Variants in ELOVL4 observed in about 807,000 individuals in gnomAD.
ELOVL4 encodes ELOVL fatty acid elongase 4.
A neutral mutation model predicts 42.1 loss-of-function variants in ELOVL4; 18 were observed. The ratio of observed to expected loss-of-function variants is 0.43; its 90% CI spans 0.30 to 0.63. ELOVL4 has a LOEUF of 0.63. Among genes scored for constraint, ELOVL4 ranks in the 30% least tolerant of loss-of-function variants. The pLI is 0.15. For missense variants in ELOVL4, 299 were observed against 376.2 expected, an observed-to-expected ratio of 0.79 and a Z score of 1.70; for synonymous variants, 117 against 127.0, an observed-to-expected ratio of 0.92 and a Z score of 0.53.
chr6:79,926,456 G>C (rs1293993787), intron 1 of ELOVL4, 75 bp from the exon 2 acceptor site: 4 of 1,433,266 alleles, frequency 2.8e-6, no homozygotes, highest in Non-Finnish European at 3.9e-6. Context: ...TAGGAATCAA[G>C]ATGTTTCAAC....
chr6:79,925,310 T>A (rs1333476209), intron 2 of ELOVL4, among the ~76,000 whole-genome samples: 3 of 152,198 alleles, frequency 2.0e-5, no homozygotes, highest in Non-Finnish European at 4.4e-5. Context: ...AAATTTTTAT[T>A]GCTAGGACTC....
At chr6:79,939,542 G>T (rs1774607921) in intron 1 of ELOVL4, among the ~76,000 whole-genome samples, 3 of 118,170 alleles carry the variant, frequency 2.5e-5, no homozygotes, top group African/African-American at 7.1e-5. Flanking sequence ...TTTATTTATT[G>T]GGCCAGGATC....
At chr6:79,940,685 T>A (rs1328705153) in intron 1 of ELOVL4, among the ~76,000 whole-genome samples, 1 of 152,194 alleles carries the variant, frequency 6.6e-6, no homozygotes, top group Non-Finnish European at 1.5e-5. Context: ...AGTTCAACCC[T>A]CTCACAGCAC....
chr6:79,942,967 GA>G (rs1774671850), intron 1 of ELOVL4, among the ~76,000 whole-genome samples: 1 of 151,444 alleles, frequency 6.6e-6, no homozygotes, highest in Non-Finnish European at 1.5e-5. Flanking sequence ...TGAAAACAGT[GA>G]CCAAGGGAGA....
At chr6:79,925,150 T>A (rs1034041614) in intron 2 of ELOVL4, 118 bp from the exon 3 acceptor site, 3 of 703,784 alleles carry the variant, frequency 4.3e-6, no homozygotes, top group Non-Finnish European at 7.2e-6. Context: ...TCTTTAAAAA[T>A]TTCAAATGCA....
In ELOVL4 at chr6:79,926,391, GAAC is replaced by G; in HGVS notation, c.101-13_101-11del. 1 of 1,611,410 alleles carries G rather than the reference GAAC, an allele frequency of 6.2e-7. No homozygotes were observed. The highest frequency in any genetic ancestry group is 8.5e-7 in the Non-Finnish European group (1 of 1,178,084). ...TTTTCCACACGCTTATCTATAGAGA[GAAC>G]AAAATACCATAAAATTCATTAATCA... On this transcript the variant is annotated splice_polypyrimidine_tract_variant and intron_variant, in intron 1 of 5. Transcript: ENST00000369816.
At chr6:79,921,485 A>AG in intron 4 of ELOVL4, 140 bp downstream of exon 4, 3 of 589,998 alleles carry the variant, frequency 5.1e-6, no homozygotes, top group South Asian at 2.4e-5. Context: ...AAAAAAAAAA[A>AG]AAAAGAAATG....
intron 1 of ELOVL4, among the ~76,000 whole-genome samples, chr6:79,940,525 G>T (rs1269358948): frequency 6.6e-6 from 1 of 151,958 alleles, no homozygotes; most frequent in African/African-American, 2.4e-5. Flanking sequence ...TATATAAAGT[G>T]TTTATAATAG....
chr6:79,921,475 A>AC, intron 4 of ELOVL4, 150 bp downstream of exon 4: 8 of 603,998 alleles, frequency 1.3e-5, no homozygotes, highest in Non-Finnish European at 1.1e-5. Context: ...AAAAAAAAAA[A>AC]AAAAAAAAAA....
intron 2 of ELOVL4, 143 bp from the exon 3 acceptor site, chr6:79,925,175 C>T (rs1339623363): frequency 3.2e-6 from 2 of 621,086 alleles, no homozygotes; most frequent in East Asian, 2.8e-5. Context: ...AAATTTCATG[C>T]ATTCCGATTG....
chr6:79,946,023 G>A (rs1047838311), intron 1 of ELOVL4, among the ~76,000 whole-genome samples: 43 of 152,034 alleles, frequency 2.8e-4, no homozygotes, highest in African/African-American at 9.7e-4. Flanking sequence ...CCTATGTATC[G>A]GACTACATTC....
intron 4 of ELOVL4, 71 bp from the exon 5 acceptor site, chr6:79,919,618 A>C: frequency 7.7e-7 from 1 of 1,293,998 alleles, no homozygotes; most frequent in Non-Finnish European, 1.1e-6. Context: ...GAGATGTACA[A>C]TAAATGAATA....
Position 79,930,829 on chromosome 6 carries a change from A to G in ELOVL4, c.101-4448T>C, listed in dbSNP as rs191596818. ...TAAATTAAATCCTCTCATTTGGGCT[A>G]TGTATTGAATCCAAATGTAGATTAT... On this transcript the variant is annotated intron_variant, in intron 1 of 5. Transcript: ENST00000369816. Among the ~76,000 whole-genome samples, 527 of 152,334 alleles carry G rather than the reference A, an allele frequency of 3.5e-3. 1 individual carries two copies. Among genetic ancestry groups the G allele is most frequent in the Admixed American group, 6.1e-3 (94 of 15,302 alleles).
chr6:79,931,877 A>G (rs1179122565), intron 1 of ELOVL4, among the ~76,000 whole-genome samples: 2 of 152,212 alleles, frequency 1.3e-5, no homozygotes, highest in African/African-American at 4.8e-5. Flanking sequence ...ACACAGAAGG[A>G]GTTGTCTCCT....
chr6:79,936,429 C>T (rs952945808), intron 1 of ELOVL4, among the ~76,000 whole-genome samples: 7 of 152,092 alleles, frequency 4.6e-5, no homozygotes, highest in African/African-American at 1.7e-4. Flanking sequence ...ACACTGTACA[C>T]TGCAAGTACC....
chr6:79,926,794 C>T (rs1325200896), intron 1 of ELOVL4, among the ~76,000 whole-genome samples: 4 of 152,140 alleles, frequency 2.6e-5, no homozygotes, highest in African/African-American at 9.7e-5. Context: ...CTCTGTGTGT[C>T]CACTCCTAAA....
At position 79,934,448 on chromosome 6, in the gene ELOVL4, A is replaced by G. The variant is rs140645805; in HGVS notation, c.101-8067T>C. On this transcript the variant is annotated intron_variant, in intron 1 of 5. Transcript: ENST00000369816. Reference sequence around the variant, plus strand: ...TTAAGATGTGATAACTAAATGAACCAAAGTATGCGAAGGTTCCTAGCACAC... The same window carrying G: ...TTAAGATGTGATAACTAAATGAACCGAAGTATGCGAAGGTTCCTAGCACAC... 1.2e-3 allele frequency among the ~76,000 whole-genome samples: 176 copies of G among 152,274 alleles called. 1 individual carries two copies. The highest frequency in any genetic ancestry group is 3.9e-3 in the African/African-American group (164 of 41,556).
chr6:79,931,255 A>G (rs1395502626), intron 1 of ELOVL4, among the ~76,000 whole-genome samples: 1 of 152,110 alleles, frequency 6.6e-6, no homozygotes, highest in African/African-American at 2.4e-5. Flanking sequence ...GAGCCTATTA[A>G]CCATTTTAAG....
At chr6:79,928,737 T>TTG (rs1774391336) in intron 1 of ELOVL4, among the ~76,000 whole-genome samples, 1 of 140,036 alleles carries the variant, frequency 7.1e-6, no homozygotes, top group African/African-American at 2.8e-5. Context: ...GTTTTTTTTT[T>TTG]TTTTTTTTTT....
Sources: gnomAD v4.1 joint callset for allele counts (sites outside exome capture counted in the v4.1 genomes callset) on GRCh38, gnomAD v4.1.1 for gene constraint, MANE v1.5 for transcripts, NCBI Gene and HGNC (gene_info 2026-07-23, HGNC 2026-07-21) for gene names.